The following TFAP2B variants were observed in gnomAD, a reference collection of about 807,000 sequenced individuals.
TFAP2B encodes transcription factor AP-2 beta.
In TFAP2B, 9 loss-of-function variants were observed where a neutral mutation model predicts 44.3. The ratio of observed to expected loss-of-function variants is 0.20; its 90% CI spans 0.12 to 0.35. The LOEUF is 0.35. Among genes scored for constraint, TFAP2B ranks in the 10% least tolerant of loss-of-function variants. The pLI is 1.00. For synonymous variants in TFAP2B, 270 were observed against 263.8 expected, an observed-to-expected ratio of 1.02 and a Z score of -0.23; for missense variants, 509 against 600.0, an observed-to-expected ratio of 0.85 and a Z score of 1.59.
At chr6:50,825,700 G>A (rs887952481) in intron 2 of TFAP2B, among the ~76,000 whole-genome samples, 3 of 152,142 alleles carry the variant, frequency 2.0e-5, no homozygotes, top group Non-Finnish European at 4.4e-5. Flanking sequence ...TTGCTGTCGG[G>A]AATACAGACC....
rs1217436328 is a variant in TFAP2B at position 50,823,512 on chromosome 6, T to A, written c.187T>A (p.Ser63Thr). ...CCCGCCGCTGTCCCACACCCCGTCGTCGGACTTCCAGCCGCCCTACTTCCC... is the reference window on the plus strand; with the variant it reads ...CCCGCCGCTGTCCCACACCCCGTCGACGGACTTCCAGCCGCCCTACTTCCC... The part of the protein sequence containing the change: ...SAPPLSHTPS[S>T]DFQPPYFPPP... Residue 63 changes from serine (S) to threonine (T), a missense_variant, in exon 2 of 7, where the codon TCG (serine) becomes ACG (threonine). Around this residue, in one of 3 missense-constraint regions of TFAP2B, gnomAD observed 296 missense variants for 308.2 expected, o/e 0.96. Transcript: ENST00000393655. 1 of 1,613,442 alleles carries A rather than the reference T, an allele frequency of 6.2e-7. No homozygotes were observed. The highest frequency in any genetic ancestry group is 1.1e-5 in the South Asian group (1 of 90,998).
chr6:50,819,862 G>C (rs62405420), intron 1 of TFAP2B, among the ~76,000 whole-genome samples: 27,801 of 136,560 alleles, frequency 0.2, 2,801 homozygotes, highest in Admixed American at 0.3. Flanking sequence ...GGAGAGGCGG[G>C]CGAGGTGGGA....
In TFAP2B at chr6:50,823,627, C is replaced by T; in HGVS notation, c.302C>T (p.Pro101Leu). ...TACTCCCTGAACCCACTGCACCAGC[C>T]CCAGCAACATCCCTGGGGGCAACGG... ...DPYSLNPLHQPQQHPWGQRQR... is the reference protein window; with the variant it reads ...DPYSLNPLHQLQQHPWGQRQR... The change falls in exon 2 of 7, where the codon CCC becomes CTC. Residue 101 changes from proline to leucine, a missense_variant. By Grantham distance (98) the Pro-to-Leu change is moderately conservative. This residue lies in a region of TFAP2B where 296 missense variants were observed against 308.2 expected (regional missense o/e 0.96). Coordinates refer to ENST00000393655, the MANE Select transcript of TFAP2B (RefSeq NM_003221.4). 6.2e-7 allele frequency: 1 copy of T among 1,614,152 alleles called. No individual in the cohort carries two copies.
chr6:50,820,252 G>A (rs1383117603), intron 1 of TFAP2B, among the ~76,000 whole-genome samples: 1 of 152,192 alleles, frequency 6.6e-6, no homozygotes, highest in Non-Finnish European at 1.5e-5. Flanking sequence ...CCTCCGGATC[G>A]GGACAGCTCC....
chr6:50,838,024 A>T lies in TFAP2B; in HGVS notation c.871A>T (p.Ile291Phe). The change falls in exon 5 of 7, where the codon ATC (isoleucine) becomes TTC (phenylalanine). Residue 291 changes from isoleucine to phenylalanine, a missense_variant. This residue lies in a region of TFAP2B where 45 missense variants were observed against 108.6 expected (regional missense o/e 0.41). Coordinates refer to ENST00000393655, the MANE Select transcript of TFAP2B (RefSeq NM_003221.4). ...ATCTTTGCGAGAAAGGCTAGAAAAA[A>T]TCGGTTTGAATTTACCCGCGGGCAG... ...GRSLRERLEK[I>F]GLNLPAGRRK... The T allele has an allele frequency of 6.2e-7, 1 of 1,614,184 alleles. No homozygotes were observed. The highest frequency in any genetic ancestry group is 8.5e-7 in the Non-Finnish European group (1 of 1,180,044).
chr6:50,822,168 T>C, intron 1 of TFAP2B: 1 of 1,303,992 alleles, frequency 7.7e-7, no homozygotes, highest in African/African-American at 1.5e-5. Context: ...ATGGTGAGTT[T>C]GGATTCACGT....
intron 5 of TFAP2B, among the ~76,000 whole-genome samples, chr6:50,838,645 G>T (rs939783568): frequency 1.3e-5 from 2 of 152,154 alleles, no homozygotes; most frequent in East Asian, 3.8e-4. Context: ...ATGTAGGGGA[G>T]TCAGGTATTA....
intron 6 of TFAP2B, 35 bp from the exon 7 acceptor site, chr6:50,843,057 G>A: frequency 1.9e-6 from 3 of 1,613,890 alleles, no homozygotes; most frequent in African/African-American, 1.3e-5. Context: ...ACGACACTGA[G>A]GGTGATTTTC....
In TFAP2B at chr6:50,823,742, G is replaced by A. The variant is rs1476110141; in HGVS notation, c.417G>A (p.Arg139=). ...LPQLSGLDPR[R]DYHSVRRPDV... ...AGCTCTCGGGCCTTGACCCCCGGAG[G>A]GACTACCACTCGGTCCGCCGGCCGG... is the stretch of plus-strand genomic sequence containing the variant. The change falls in exon 2 of 7, where the codon AGG becomes AGA. Residue 139 remains arginine, a synonymous_variant. Coordinates refer to ENST00000393655, the MANE Select transcript of TFAP2B (RefSeq NM_003221.4). 1.2e-6 allele frequency: 2 copies of A among 1,610,440 alleles called. No individual in the cohort carries two copies. The highest frequency in any genetic ancestry group is 1.7e-6 in the Non-Finnish European group (2 of 1,178,410).
chr6:50,838,421 A>G (rs1762664264), intron 5 of TFAP2B, among the ~76,000 whole-genome samples: 1 of 151,704 alleles, frequency 6.6e-6, no homozygotes, highest in Non-Finnish European at 1.5e-5. Flanking sequence ...CTCTTTAAGC[A>G]ATAATTCATT....
intron 5 of TFAP2B, among the ~76,000 whole-genome samples, chr6:50,839,214 T>C (rs1020069741): frequency 6.6e-6 from 1 of 152,170 alleles, no homozygotes; most frequent in African/African-American, 2.4e-5. Context: ...AGACAGGGAT[T>C]TCAGGGGAGA....
intron 5 of TFAP2B, among the ~76,000 whole-genome samples, chr6:50,839,003 C>T (rs1762675023): frequency 6.6e-6 from 1 of 152,200 alleles, no homozygotes; most frequent in African/African-American, 2.4e-5. Context: ...TTAATCATCA[C>T]AGTTACAGGC....
chr6:50,832,956 G>A (rs1420389214), intron 3 of TFAP2B, among the ~76,000 whole-genome samples: 1 of 152,164 alleles, frequency 6.6e-6, no homozygotes, highest in African/African-American at 2.4e-5. Context: ...AAAGGGAGGG[G>A]AATGAGTTTT....
Position 50,836,294 on chromosome 6 carries a change from G to C in TFAP2B, c.821+14G>C. The stretch of plus-strand genomic sequence containing the variant: ...AGTCCTCAGAAGGTAACCCCACCAC[G>C]AAAAACAAAAACAAAAACAAAAAAA... On this transcript the variant is annotated intron_variant, in intron 4 of 6. Transcript: ENST00000393655. The C allele has an allele frequency of 1.2e-6, 2 of 1,604,224 alleles. No homozygotes were observed. The highest frequency in any genetic ancestry group is 2.7e-5 in the African/African-American group (2 of 74,756).
chr6:50,819,446 A>G (rs1042074236), intron 1 of TFAP2B, among the ~76,000 whole-genome samples: 2 of 152,064 alleles, frequency 1.3e-5, no homozygotes, highest in African/African-American at 4.8e-5. Flanking sequence ...AAATGGTTCC[A>G]AGTAGAGGAC....
At chr6:50,835,901 A>C (rs925748938) in intron 3 of TFAP2B, among the ~76,000 whole-genome samples, 160 bp from the exon 4 acceptor site, 1 of 152,248 alleles carries the variant, frequency 6.6e-6, no homozygotes, top group Non-Finnish European at 1.5e-5. Context: ...GTTTGTTTAC[A>C]GCTCTCTGAA....
intron 6 of TFAP2B, 121 bp from the exon 7 acceptor site, chr6:50,842,971 C>T: frequency 2.3e-6 from 3 of 1,331,272 alleles, no homozygotes; most frequent in South Asian, 2.4e-5. Context: ...AGCGGAATCG[C>T]CCACATTAGC....
rs554124303 is a variant in TFAP2B at position 50,824,124 on chromosome 6, T to C, written c.540+259T>C. On this transcript the variant is annotated intron_variant, in intron 2 of 6. Transcript: ENST00000393655. ...TTGAAGAAGAAAAATATGTATTTGCTTTGATACCTTAAGATTATTAGAATA... is the reference window on the plus strand; with the variant it reads ...TTGAAGAAGAAAAATATGTATTTGCCTTGATACCTTAAGATTATTAGAATA... 2.7e-3 allele frequency among the ~76,000 whole-genome samples: 417 copies of C among 152,350 alleles called. 1 individual carries two copies. Among genetic ancestry groups the C allele is most frequent in the African/African-American group, 9.5e-3 (397 of 41,580 alleles).
chr6:50,828,520 A>C (rs1429130850), intron 2 of TFAP2B, 99 bp from the exon 3 acceptor site: 2 of 1,015,670 alleles, frequency 2.0e-6, no homozygotes, highest in Non-Finnish European at 3.0e-6. Flanking sequence ...AATTAATATA[A>C]ATGGAAATAA....
Sources: allele counts gnomAD v4.1 joint callset (sites outside exome capture counted in the v4.1 genomes callset), GRCh38; gene constraint gnomAD v4.1.1; regional missense constraint gnomAD v4.1.1; transcripts MANE v1.5; gene names NCBI Gene and HGNC (gene_info 2026-07-23, HGNC 2026-07-21).